SH3PXD2A: variants seen among roughly 807,000 people sequenced by gnomAD.
SH3PXD2A encodes the protein SH3 and PX domains 2A.
A neutral mutation model predicts 115.2 loss-of-function variants in SH3PXD2A; 32 were observed. The observed-to-expected ratio is 0.28, with a 90% CI of 0.21 to 0.37. The LOEUF (loss-of-function observed/expected upper bound fraction) is 0.37, where lower values mean the gene tolerates loss of function less well. Ranked by LOEUF, SH3PXD2A falls within the 10% of genes least tolerant of loss-of-function variation. The pLI is 1.00. For synonymous variants in SH3PXD2A, 610 were observed against 629.1 expected (o/e 0.97, Z 0.45); for missense variants, 1,328 against 1,498.7 (o/e 0.89, Z 1.88).
At chr10:103,785,756 T>C (rs551107620) in intron 2 of SH3PXD2A, among the ~76,000 whole-genome samples, 11 of 151,860 alleles carry the variant, frequency 7.2e-5, no homozygotes, top group South Asian at 6.3e-4. Context: ...CCTTCACTAA[T>C]CCCAGCAGGA....
chr10:103,701,422 CACCA>C, intron 5 of SH3PXD2A, among the ~76,000 whole-genome samples: 1 of 142,674 alleles, frequency 7.0e-6, no homozygotes, highest in East Asian at 2.3e-4. Context: ...TCCATCCATC[CACCA>C]TCCATCCACC....
chr10:103,708,529 G>T (rs2038008984), intron 5 of SH3PXD2A, among the ~76,000 whole-genome samples: 3 of 152,174 alleles, frequency 2.0e-5, no homozygotes, highest in Admixed American at 1.3e-4. Context: ...GAAAAGGGGT[G>T]CATGAATGCC....
intron 8 of SH3PXD2A, 91 bp downstream of exon 8, chr10:103,660,892 C>T (rs2134051863): frequency 7.4e-7 from 1 of 1,354,862 alleles, no homozygotes; most frequent in South Asian, 1.2e-5. Context: ...CGTATAGCTG[C>T]AGCGGTGGGG....
chr10:103,843,677 G>A (rs1268127006), intron 1 of SH3PXD2A, among the ~76,000 whole-genome samples: 1 of 152,184 alleles, frequency 6.6e-6, no homozygotes, highest in African/African-American at 2.4e-5. Context: ...GTGACCTGGG[G>A]TTTAATTCAG....
chr10:103,649,255 G>A (rs566315454), intron 8 of SH3PXD2A, among the ~76,000 whole-genome samples: 17 of 152,310 alleles, frequency 1.1e-4, no homozygotes, highest in Admixed American at 5.2e-4. Flanking sequence ...AAGCAACCAT[G>A]GCCACTGTCT....
chr10:103,714,734 CAT>C (rs756409142), intron 5 of SH3PXD2A, among the ~76,000 whole-genome samples: 3 of 152,228 alleles, frequency 2.0e-5, no homozygotes, highest in Non-Finnish European at 4.4e-5. Context: ...TGCCCATCAA[CAT>C]AAAGAGGCTA....
chr10:103,693,419 C>G (rs1592304666), intron 5 of SH3PXD2A: 1 of 152,070 alleles, frequency 6.6e-6, no homozygotes. Flanking sequence ...TGGCGCTCGC[C>G]GGAACCCGGC....
chr10:103,616,018 C>CCGGGGTGGGG (rs1219577201), intron 11 of SH3PXD2A, among the ~76,000 whole-genome samples: 1 of 30,538 alleles, frequency 3.3e-5, no homozygotes, highest in Non-Finnish European at 6.3e-5. Context: ...CACCAGGGCT[C>CCGGGGTGGGG]CGGGGTGGGG....
intron 8 of SH3PXD2A, among the ~76,000 whole-genome samples, chr10:103,649,623 G>GC (rs2134018717): frequency 1.3e-5 from 2 of 152,338 alleles, no homozygotes; most frequent in Admixed American, 1.3e-4. Flanking sequence ...AGTCTCAAGC[G>GC]CAAGACCCCA....
In SH3PXD2A at chr10:103,601,327, A is replaced by C. The variant is rs1257326347; in HGVS notation, c.*489T>G. Reference sequence around the variant, plus strand: ...TGTGGTAGGCGTGGCAATGCCCAGGAAACCAGCACAATTCACAAATACAGC... The same window carrying C: ...TGTGGTAGGCGTGGCAATGCCCAGGCAACCAGCACAATTCACAAATACAGC... On this transcript the variant is annotated 3_prime_UTR_variant, in exon 15 of 15. Transcript: ENST00000369774. 6.5e-6 allele frequency: 1 copy of C among 153,524 alleles called. No homozygotes were observed. Among genetic ancestry groups the C allele is most frequent in the Non-Finnish European group, 1.5e-5 (1 of 68,678 alleles). The allele number at this position is 153,524 out of a possible 1,614,324, so 9.5% of individuals were successfully genotyped here.
intron 1 of SH3PXD2A, among the ~76,000 whole-genome samples, chr10:103,828,258 A>C (rs1181335871): frequency 6.6e-6 from 1 of 152,190 alleles, no homozygotes; most frequent in Non-Finnish European, 1.5e-5. Context: ...CTGAAGGAAC[A>C]AGAGTCCATT....
At chr10:103,802,845 G>T (rs903982036) in intron 1 of SH3PXD2A, among the ~76,000 whole-genome samples, 1 of 152,148 alleles carries the variant, frequency 6.6e-6, no homozygotes, top group African/African-American at 2.4e-5. Context: ...AGATTCCGGG[G>T]TCTCTGCCTA....
rs1592290693 is a variant in SH3PXD2A, at chr10:103,666,856, C to T, written c.472+1752G>A. On this transcript the variant is annotated intron_variant, in intron 7 of 14. Transcript: ENST00000369774. The surrounding 1 kb of genome is among the most constrained non-coding windows in gnomAD (Gnocchi z 4.5). ...TTCGTGGGCTCACCAGCAGGCAGCTCGGTGCCAGGGCTGCAGGTGCCAGGA... is the reference window on the plus strand; with the variant it reads ...TTCGTGGGCTCACCAGCAGGCAGCTTGGTGCCAGGGCTGCAGGTGCCAGGA... 2.0e-5 allele frequency among the ~76,000 whole-genome samples: 3 copies of T among 152,266 alleles called. No individual in the cohort carries two copies. The highest frequency in any genetic ancestry group is 4.1e-4 in the South Asian group (2 of 4,824).
intron 6 of SH3PXD2A, among the ~76,000 whole-genome samples, chr10:103,678,838 CAA>C (rs1375624502): frequency 1.4e-4 from 21 of 152,170 alleles, no homozygotes; most frequent in Admixed American, 2.6e-4. Flanking sequence ...CTCTTCCTAA[CAA>C]TAAGGAAAAG....
intron 8 of SH3PXD2A, among the ~76,000 whole-genome samples, chr10:103,638,493 G>A (rs772155947): frequency 8.5e-5 from 13 of 152,228 alleles, no homozygotes; most frequent in Non-Finnish European, 1.5e-4. Flanking sequence ...AACAAGCAAC[G>A]CAGGCAGAGA....
chr10:103,640,473 C>A (rs539476880), intron 8 of SH3PXD2A, among the ~76,000 whole-genome samples: 1 of 152,130 alleles, frequency 6.6e-6, no homozygotes, highest in African/African-American at 2.4e-5. Flanking sequence ...GGTAAGTAGA[C>A]CCCAGGCAGA....
chr10:103,833,901 G>A (rs1026221263), intron 1 of SH3PXD2A, among the ~76,000 whole-genome samples: 3 of 152,176 alleles, frequency 2.0e-5, no homozygotes, highest in African/African-American at 7.2e-5. Context: ...TGGGGAGTTA[G>A]TCAACATTAA....
rs1342229195 is a variant in SH3PXD2A, at chr10:103,602,521, G to A, written c.2697C>T (p.Asn899=). 4.3e-6 allele frequency: 7 copies of A among 1,613,984 alleles called. 1 individual carries two copies. Among genetic ancestry groups the A allele is most frequent in the South Asian group, 3.3e-5 (3 of 91,090 alleles). The change falls in exon 15 of 15, where the codon AAC becomes AAT. Residue 899 remains asparagine (N), a synonymous_variant. Coordinates refer to ENST00000369774, the MANE Select transcript of SH3PXD2A (RefSeq NM_001394015.1). The part of the protein sequence containing the change: ...APSHYLVLDE[N]EQPDPSGKEL... ...CTTTGCCAGAGGGGTCAGGTTGCTC[G>A]TTCTCATCCAGCACCAAATAGTGGG...
chr10:103,651,233 T>C (rs1458960720), intron 8 of SH3PXD2A, among the ~76,000 whole-genome samples: 1 of 152,282 alleles, frequency 6.6e-6, no homozygotes, highest in Non-Finnish European at 1.5e-5. Flanking sequence ...ACACCCTTGG[T>C]GCTGCCCACC....
Sources: allele counts gnomAD v4.1 joint callset (sites outside exome capture counted in the v4.1 genomes callset), GRCh38; gene constraint gnomAD v4.1.1; non-coding constraint Gnocchi (gnomAD v3.1); transcripts MANE v1.5; gene names NCBI Gene and HGNC (gene_info 2026-07-23, HGNC 2026-07-21).